Variants in PCDH11Y observed in about 807,000 individuals in gnomAD.
The protein encoded by PCDH11Y is protocadherin 11 Y-linked, also known as protocadherin-11 Y-linked.
For synonymous variants in PCDH11Y, 9 were observed against 83.6 expected (o/e 0.11, Z 4.87); for missense variants, 12 against 224.8 (o/e 0.05, Z 6.05).
intron 4 of PCDH11Y, among the ~76,000 whole-genome samples, chrY:5,585,004 G>C: frequency 3.1e-5 from 1 of 32,181 alleles, no homozygotes; most frequent in African/African-American, 1.2e-4. Context: ...TGACATTTAG[G>C]TTGATATCAT....
intron 2 of PCDH11Y, among the ~76,000 whole-genome samples, chrY:5,233,529 T>TA (rs2052970640): frequency 3.0e-5 from 1 of 33,505 alleles, no homozygotes; most frequent in South Asian, 6.5e-4. Context: ...AAACTCAAAA[T>TA]AAAATGAGCA....
At chrY:5,528,531 T>C (rs2124691238) in intron 3 of PCDH11Y, among the ~76,000 whole-genome samples, 1 of 33,412 alleles carries the variant, frequency 3.0e-5, no homozygotes, top group African/African-American at 1.1e-4. Flanking sequence ...GGACCTTTAT[T>C]TCATGACATT....
At chrY:5,289,758 T>G (rs2053065157) in intron 2 of PCDH11Y, among the ~76,000 whole-genome samples, 2 of 33,840 alleles carry the variant, frequency 5.9e-5, no homozygotes, top group South Asian at 6.8e-4. Context: ...TTGTTGCAAA[T>G]GACTGGATGA....
chrY:5,704,748 A>C, intron 4 of PCDH11Y, among the ~76,000 whole-genome samples: 1 of 33,122 alleles, frequency 3.0e-5, no homozygotes, highest in Non-Finnish European at 7.4e-5. Context: ...TTTCTGAAGA[A>C]TACTTTGAAT....
chrY:5,201,867 A>C, intron 2 of PCDH11Y, among the ~76,000 whole-genome samples: 2 of 33,854 alleles, frequency 5.9e-5, no homozygotes, highest in Admixed American at 5.4e-4. Context: ...AGTCTTACAA[A>C]AATAGATAAC....
intron 2 of PCDH11Y, among the ~76,000 whole-genome samples, chrY:5,217,793 T>C (rs2052948266): frequency 8.8e-5 from 3 of 34,134 alleles, no homozygotes; most frequent in South Asian, 1.3e-3. Flanking sequence ...AAGGTGAAAT[T>C]TGTTGAAGTT....
chrY:5,249,207 C>T, intron 2 of PCDH11Y, among the ~76,000 whole-genome samples: 1 of 31,871 alleles, frequency 3.1e-5, no homozygotes, highest in Non-Finnish European at 7.6e-5. Context: ...ACATTCTTTA[C>T]AAAATTAGCA....
chrY:5,691,768 G>A, intron 4 of PCDH11Y, among the ~76,000 whole-genome samples: 1 of 31,983 alleles, frequency 3.1e-5, no homozygotes, highest in Non-Finnish European at 7.6e-5. Context: ...CAAACTGAGG[G>A]CTGGGCCCTG....
chrY:5,455,613 G>A (rs2053297506), intron 2 of PCDH11Y, among the ~76,000 whole-genome samples: 1 of 33,334 alleles, frequency 3.0e-5, no homozygotes, highest in African/African-American at 1.2e-4. Flanking sequence ...ACTTCTGCAG[G>A]CTACACAGTA....
At chrY:5,692,441 A>G (rs2053568833) in intron 4 of PCDH11Y, among the ~76,000 whole-genome samples, 17 of 33,577 alleles carry the variant, frequency 5.1e-4, no homozygotes, top group African/African-American at 2.0e-3. Flanking sequence ...AGGTGTCTTC[A>G]GTTCTTTTCA....
chrY:5,689,289 G>C, intron 4 of PCDH11Y, among the ~76,000 whole-genome samples: 1 of 29,650 alleles, frequency 3.4e-5, no homozygotes, highest in East Asian at 8.7e-4. Context: ...TTTCACATCA[G>C]TTTAACTGTG....
intron 2 of PCDH11Y, among the ~76,000 whole-genome samples, chrY:5,367,741 TAC>T (rs2053182558): frequency 3.5e-5 from 1 of 28,714 alleles, no homozygotes; most frequent in Non-Finnish European, 8.2e-5. Flanking sequence ...TATATATATA[TAC>T]ACACACAGAC....
At chrY:5,142,499 G>C in intron 2 of PCDH11Y, among the ~76,000 whole-genome samples, 1 of 32,619 alleles carries the variant, frequency 3.1e-5, no homozygotes, top group African/African-American at 1.2e-4. Context: ...GGGGATACAA[G>C]CCTTGCAGGA....
At chrY:5,702,054 A>T in intron 4 of PCDH11Y, among the ~76,000 whole-genome samples, 1 of 33,276 alleles carries the variant, frequency 3.0e-5, no homozygotes, top group Admixed American at 2.7e-4. Context: ...GAATGAGTGT[A>T]TTTATCCAAT....
chrY:5,157,604 A>G, intron 2 of PCDH11Y, among the ~76,000 whole-genome samples: 1 of 33,031 alleles, frequency 3.0e-5, no homozygotes, highest in South Asian at 6.7e-4. Context: ...ATTTCACCTC[A>G]GCTATTGAAA....
chrY:5,192,501 T>G, intron 2 of PCDH11Y, among the ~76,000 whole-genome samples: 1 of 33,639 alleles, frequency 3.0e-5, no homozygotes, highest in Non-Finnish European at 7.3e-5. Context: ...AAAATAATAC[T>G]GCTTGTTATA....
chrY:5,424,037 T>C (rs2053260789), intron 2 of PCDH11Y, among the ~76,000 whole-genome samples: 1 of 33,563 alleles, frequency 3.0e-5, no homozygotes, highest in Admixed American at 2.7e-4. Flanking sequence ...AATGGGATTT[T>C]CCCTCCACTA....
intron 2 of PCDH11Y, among the ~76,000 whole-genome samples, chrY:5,412,801 A>G: frequency 3.0e-5 from 1 of 33,532 alleles, no homozygotes; most frequent in East Asian, 7.8e-4. Flanking sequence ...ATGGTGATTC[A>G]CTTTTTTATG....
At chrY:5,023,267 G>A in intron 1 of PCDH11Y, among the ~76,000 whole-genome samples, 2 of 33,539 alleles carry the variant, frequency 6.0e-5, no homozygotes, top group Non-Finnish European at 1.5e-4. Flanking sequence ...ACACTTAGAT[G>A]ACAGTATATG....
Sources: gnomAD v4.1 joint callset for allele counts (sites outside exome capture counted in the v4.1 genomes callset) on GRCh38, gnomAD v4.1.1 for gene constraint, MANE v1.5 for transcripts, NCBI Gene and HGNC (gene_info 2026-07-23, HGNC 2026-07-21) for gene names.